CYP7B1: variants seen among roughly 807,000 people sequenced by gnomAD.
The protein encoded by CYP7B1 is cytochrome P450 family 7 subfamily B member 1.
A neutral mutation model predicts 42.7 loss-of-function variants in CYP7B1; 29 were observed. The observed-to-expected ratio is 0.68, with a 90% CI of 0.51 to 0.93. The LOEUF (loss-of-function observed/expected upper bound fraction) is 0.93, where lower values mean the gene tolerates loss of function less well. CYP7B1 is among the 40% of genes least tolerant of loss of function. CYP7B1 has a pLI of 0.00. For missense variants in CYP7B1, 655 were observed against 600.5 expected, an observed-to-expected ratio of 1.09 and a Z score of -0.95; for synonymous variants, 235 against 218.2, an observed-to-expected ratio of 1.08 and a Z score of -0.68.
chr8:64,763,214 T>C (rs766089178), intron 1 of CYP7B1, among the ~76,000 whole-genome samples: 3 of 152,334 alleles, frequency 2.0e-5, no homozygotes, highest in Non-Finnish European at 4.4e-5. Flanking sequence ...CTCGCCATTG[T>C]TCCTGTACAG....
intron 1 of CYP7B1, among the ~76,000 whole-genome samples, chr8:64,745,660 G>C (rs781223795): frequency 1.1e-4 from 16 of 152,116 alleles, no homozygotes; most frequent in Non-Finnish European, 1.9e-4. Context: ...AGGGTGCAGA[G>C]AGCCCTCTAG....
At chr8:64,713,791 A>G (rs908571023) in intron 1 of CYP7B1, among the ~76,000 whole-genome samples, 9 of 152,180 alleles carry the variant, frequency 5.9e-5, no homozygotes, top group African/African-American at 1.7e-4. Context: ...AATCTTCAAG[A>G]GATAAGAGCC....
At chr8:64,724,428 T>C (rs1807291676) in intron 1 of CYP7B1, among the ~76,000 whole-genome samples, 1 of 152,190 alleles carries the variant, frequency 6.6e-6, no homozygotes, top group Admixed American at 6.5e-5. Flanking sequence ...ATTACAGGTG[T>C]GAGCCACCGC....
intron 1 of CYP7B1, among the ~76,000 whole-genome samples, chr8:64,682,983 T>G (rs1806562257): frequency 6.6e-6 from 1 of 152,218 alleles, no homozygotes; most frequent in African/African-American, 2.4e-5. Context: ...TGATTGAACC[T>G]TGACTTCTTT....
At position 64,591,846 on chromosome 8, in the gene CYP7B1, A is replaced by G. The variant is rs1805039690; in HGVS notation, c.*4796T>C. On this transcript the variant is annotated 3_prime_UTR_variant, in exon 6 of 6. Coordinates refer to ENST00000310193, the MANE Select transcript of CYP7B1 (RefSeq NM_004820.5). ...ATTGATATAAAACAATATTTTGGGT[A>G]TTAATTATTTATTTCTTTTAATTCA... Among the ~76,000 whole-genome samples the G allele has an allele frequency of 6.6e-6, 1 of 152,132 alleles. No individual in the cohort carries two copies.
intron 1 of CYP7B1, among the ~76,000 whole-genome samples, chr8:64,698,277 C>T (rs1008718373): frequency 4.3e-4 from 65 of 152,120 alleles, no homozygotes; most frequent in African/African-American, 5.1e-4. Flanking sequence ...CTGCAGATCA[C>T]GTTGGCATGG....
intron 1 of CYP7B1, among the ~76,000 whole-genome samples, chr8:64,767,617 C>G (rs967258547): frequency 6.6e-6 from 1 of 152,142 alleles, no homozygotes; most frequent in African/African-American, 2.4e-5. Context: ...TTGATAGCAC[C>G]CATCAGATGG....
At chr8:64,671,541 A>C (rs1806368078) in intron 1 of CYP7B1, among the ~76,000 whole-genome samples, 1 of 152,156 alleles carries the variant, frequency 6.6e-6, no homozygotes, top group African/African-American at 2.4e-5. Context: ...ATCAGTAGAA[A>C]GGCCTTAAAA....
At chr8:64,613,171 C>T (rs1294356249) in intron 4 of CYP7B1, among the ~76,000 whole-genome samples, 2 of 152,058 alleles carry the variant, frequency 1.3e-5, no homozygotes, top group African/African-American at 4.8e-5. Context: ...TCTAAACTTG[C>T]TTGGGATTTT....
intron 1 of CYP7B1, among the ~76,000 whole-genome samples, chr8:64,749,063 T>C (rs1389411911): frequency 1.3e-5 from 2 of 152,008 alleles, no homozygotes; most frequent in African/African-American, 4.8e-5. Flanking sequence ...TGGTTTTCTT[T>C]TTTATTTTCT....
chr8:64,711,116 G>C (rs980518937), intron 1 of CYP7B1, among the ~76,000 whole-genome samples: 1 of 152,076 alleles, frequency 6.6e-6, no homozygotes, highest in Non-Finnish European at 1.5e-5. Context: ...GAGGGAGGGA[G>C]TAAAAGGTTT....
intron 1 of CYP7B1, among the ~76,000 whole-genome samples, chr8:64,774,979 A>C (rs1254925509): frequency 6.6e-6 from 1 of 152,100 alleles, no homozygotes; most frequent in East Asian, 1.9e-4. Context: ...CATTCCAAAC[A>C]AGTATAAATA....
intron 1 of CYP7B1, among the ~76,000 whole-genome samples, chr8:64,705,027 A>C (rs1347792409): frequency 6.6e-6 from 1 of 151,948 alleles, no homozygotes; most frequent in East Asian, 1.9e-4. Flanking sequence ...GATAATTCTC[A>C]ACCTAGGAAT....
At chr8:64,597,550 T>C (rs994041960) in intron 5 of CYP7B1, among the ~76,000 whole-genome samples, 1 of 152,234 alleles carries the variant, frequency 6.6e-6, no homozygotes, top group African/African-American at 2.4e-5. Context: ...TAATTTCTTC[T>C]ATGAAAGTTC....
intron 1 of CYP7B1, among the ~76,000 whole-genome samples, chr8:64,765,987 C>T (rs1807967887): frequency 6.6e-6 from 1 of 152,138 alleles, no homozygotes; most frequent in African/African-American, 2.4e-5. Context: ...TAGACACTAG[C>T]CCCAAATGAG....
At chr8:64,711,671 A>G (rs944582745) in intron 1 of CYP7B1, among the ~76,000 whole-genome samples, 2 of 152,210 alleles carry the variant, frequency 1.3e-5, no homozygotes, top group African/African-American at 4.8e-5. Context: ...CATAATACTA[A>G]GGAGGCACCC....
intron 1 of CYP7B1, among the ~76,000 whole-genome samples, chr8:64,714,050 A>C (rs148059751): frequency 7.7e-4 from 118 of 152,310 alleles, no homozygotes; most frequent in Non-Finnish European, 1.6e-3. Flanking sequence ...ACTCCCAGAA[A>C]GATTAGGTGT....
chr8:64,706,948 CG>C (rs1489994956), intron 1 of CYP7B1, among the ~76,000 whole-genome samples: 1 of 151,854 alleles, frequency 6.6e-6, no homozygotes, highest in Non-Finnish European at 1.5e-5. Context: ...GCCAAGCAGT[CG>C]TAACAATTGA....
chr8:64,671,751 T>C (rs1412978782), intron 1 of CYP7B1, among the ~76,000 whole-genome samples: 1 of 152,054 alleles, frequency 6.6e-6, no homozygotes, highest in Admixed American at 6.6e-5. Context: ...TTCACACACA[T>C]ACACACACGT....
Sources: allele counts gnomAD v4.1 joint callset (sites outside exome capture counted in the v4.1 genomes callset), GRCh38; gene constraint gnomAD v4.1.1; transcripts MANE v1.5; gene names NCBI Gene and HGNC (gene_info 2026-07-23, HGNC 2026-07-21).